The following MNS1 variants were observed in gnomAD, a reference collection of about 807,000 sequenced individuals.
The protein encoded by MNS1 is meiosis specific nuclear structural 1, also known as meiosis-specific nuclear structural protein 1.
Under a neutral mutation model 72.0 loss-of-function variants are expected in MNS1, and 63 were observed. The observed-to-expected ratio is 0.87, with a 90% confidence interval of 0.71 to 1.08. The LOEUF (loss-of-function observed/expected upper bound fraction) is 1.08. MNS1 is among the 50% of genes least tolerant of loss of function. The probability of loss-of-function intolerance (pLI) is 0.00; values close to 1 mark genes in which losing one functional copy is unlikely to be tolerated. For synonymous variants in MNS1, 188 were observed against 172.1 expected (o/e 1.09, Z -0.72); for missense variants, 604 against 562.4 (o/e 1.07, Z -0.75).
At chr15:56,433,857 CT>C (rs2050667253) in intron 8 of MNS1, among the ~76,000 whole-genome samples, 1 of 152,056 alleles carries the variant, frequency 6.6e-6, no homozygotes, top group African/African-American at 2.4e-5. Context: ...TTTATAATTA[CT>C]TTTTATATAT....
At chr15:56,441,234 C>T (rs185754945) in intron 7 of MNS1, among the ~76,000 whole-genome samples, 85 of 151,796 alleles carry the variant, frequency 5.6e-4, no homozygotes, top group Admixed American at 2.0e-3. Context: ...TTTAATTCCA[C>T]TGTAGTCAGA....
intron 3 of MNS1, among the ~76,000 whole-genome samples, chr15:56,454,367 T>C (rs988124307): frequency 3.6e-5 from 2 of 55,792 alleles, no homozygotes; most frequent in African/African-American, 1.2e-4. Flanking sequence ...AATCCAATTA[T>C]ACTCTTTATT....
At chr15:56,431,044 C>G (rs1258337696) in intron 9 of MNS1, among the ~76,000 whole-genome samples, 1 of 152,080 alleles carries the variant, frequency 6.6e-6, no homozygotes, top group Non-Finnish European at 1.5e-5. Context: ...GCCTGTAATC[C>G]CAGCTACTCA....
At chr15:56,455,292 T>C (rs1265387383) in intron 3 of MNS1, among the ~76,000 whole-genome samples, 7 of 140,690 alleles carry the variant, frequency 5.0e-5, no homozygotes, top group Non-Finnish European at 9.2e-5. Flanking sequence ...CAGCTAATGA[T>C]GGTTGGAGAA....
intron 5 of MNS1, among the ~76,000 whole-genome samples, chr15:56,444,217 A>G (rs1406776519): frequency 1.3e-5 from 2 of 152,122 alleles, no homozygotes; most frequent in African/African-American, 4.8e-5. Flanking sequence ...ACAAAGGTTT[A>G]GGTCATTCAA....
intron 7 of MNS1, among the ~76,000 whole-genome samples, chr15:56,441,532 T>C (rs1480371028): frequency 5.9e-5 from 9 of 152,270 alleles, no homozygotes; most frequent in African/African-American, 1.9e-4. Context: ...CAAAAAGCAA[T>C]TGTAACAAAA....
chr15:56,429,420 T>C (rs1208367605), intron 9 of MNS1: 1 of 390,608 alleles, frequency 2.6e-6, no homozygotes, highest in East Asian at 5.5e-5. Context: ...AGCTCTAGTG[T>C]AGGAGCTTTT....
rs74695468 is a variant in MNS1 at position 56,460,820 on chromosome 15, G to C, written c.225+3206C>G. 8.3e-3 allele frequency among the ~76,000 whole-genome samples: 1,268 copies of C among 152,214 alleles called. 16 individuals are homozygous for C. Among genetic ancestry groups the C allele is most frequent in the African/African-American group, 0.028 (1,177 of 41,546 alleles). The stretch of plus-strand genomic sequence containing the variant: ...CTTCCTGGCACAATGGCTGATTCCA[G>C]GTGTAGGACAAAAAATATAAGAGAG... On this transcript the variant is annotated intron_variant, in intron 2 of 9. Coordinates refer to ENST00000260453, the MANE Select transcript of MNS1 (RefSeq NM_018365.4).
chr15:56,448,612 C>A (rs2050924951), intron 3 of MNS1, among the ~76,000 whole-genome samples: 1 of 152,180 alleles, frequency 6.6e-6, no homozygotes. Flanking sequence ...ATATGTACCA[C>A]ATTTTCTTTA....
chr15:56,456,673 C>T (rs1471277934), intron 2 of MNS1, 152 bp from the exon 3 acceptor site: 1 of 838,762 alleles, frequency 1.2e-6, no homozygotes, highest in African/African-American at 1.8e-5. Flanking sequence ...TCAATAAATA[C>T]TTTTTCAAAA....
intron 3 of MNS1, among the ~76,000 whole-genome samples, chr15:56,452,482 G>C (rs1271557509): frequency 6.6e-6 from 1 of 151,730 alleles, no homozygotes; most frequent in African/African-American, 2.4e-5. Context: ...AAAGAAAATG[G>C]GTATTCAGTA....
intron 3 of MNS1, among the ~76,000 whole-genome samples, chr15:56,452,068 T>C (rs1211483533): frequency 6.6e-6 from 1 of 152,224 alleles, no homozygotes; most frequent in Admixed American, 6.5e-5. Context: ...AGCTTATATC[T>C]TCTTTCTACT....
chr15:56,455,269 A>C (rs1596267444), intron 3 of MNS1, among the ~76,000 whole-genome samples: 1 of 149,548 alleles, frequency 6.7e-6, no homozygotes, highest in African/African-American at 2.5e-5. Context: ...AAAAAAAAAA[A>C]AACCATGAGT....
chr15:56,444,733 AT>A, intron 4 of MNS1, 60 bp from the exon 5 acceptor site: 1 of 1,292,710 alleles, frequency 7.7e-7, no homozygotes, highest in Non-Finnish European at 1.1e-6. Context: ...ACGATAGTAT[AT>A]TTTACACCAA....
intron 2 of MNS1, among the ~76,000 whole-genome samples, chr15:56,458,364 T>C (rs1431720780): frequency 6.6e-6 from 1 of 152,200 alleles, no homozygotes; most frequent in African/African-American, 2.4e-5. Context: ...ATATTCCCTG[T>C]CCCTACACAT....
chr15:56,433,619 G>A (rs561871362), intron 8 of MNS1, among the ~76,000 whole-genome samples: 1 of 152,046 alleles, frequency 6.6e-6, no homozygotes, highest in East Asian at 1.9e-4. Flanking sequence ...CTTACTTACT[G>A]ATCTCCCTAT....
In MNS1 at chr15:56,465,087, C is replaced by T. The variant is rs2051051081; in HGVS notation, c.-115G>A. The T allele has an allele frequency of 1.4e-6, 2 of 1,450,250 alleles. No individual in the cohort carries two copies. Among genetic ancestry groups the T allele is most frequent in the Non-Finnish European group, 1.9e-6 (2 of 1,065,508 alleles). 89.8% of individuals were successfully genotyped at this position (1,450,250 alleles called of 1,614,324 possible). On this transcript the variant is annotated 5_prime_UTR_variant, in exon 1 of 10. Coordinates refer to ENST00000260453, the MANE Select transcript of MNS1 (RefSeq NM_018365.4). Reference sequence around the variant, plus strand: ...CTGGCTGCGCGCGCTCGGGTGTTTACGCGGCGTCTTGGCAACGGTGGAGCT... The same window carrying T: ...CTGGCTGCGCGCGCTCGGGTGTTTATGCGGCGTCTTGGCAACGGTGGAGCT...
chr15:56,434,076 T>C (rs2050672349), intron 8 of MNS1, 62 bp downstream of exon 8: 1 of 1,514,182 alleles, frequency 6.6e-7, no homozygotes, highest in Admixed American at 1.9e-5. Context: ...GTTTAGTGGA[T>C]GATAGATGAG....
chr15:56,461,148 C>T (rs1481268417), intron 2 of MNS1, among the ~76,000 whole-genome samples: 1 of 152,014 alleles, frequency 6.6e-6, no homozygotes, highest in African/African-American at 2.4e-5. Context: ...ATGAGGCCCA[C>T]CTATATTAGG....
Sources: gnomAD v4.1 joint callset for allele counts (sites outside exome capture counted in the v4.1 genomes callset) on GRCh38, gnomAD v4.1.1 for gene constraint, MANE v1.5 for transcripts, NCBI Gene and HGNC (gene_info 2026-07-23, HGNC 2026-07-21) for gene names.